The following MACO1 variants were observed in gnomAD, a reference collection of about 807,000 sequenced individuals.
The protein encoded by MACO1 is macoilin 1, also known as macoilin.
In MACO1, 14 loss-of-function variants were observed where a neutral mutation model predicts 78.7. The observed-to-expected ratio is 0.18, with a 90% CI of 0.12 to 0.28. The LOEUF (loss-of-function observed/expected upper bound fraction) is 0.28, where lower values mean the gene tolerates loss of function less well. MACO1 is among the 10% of genes least tolerant of loss of function. MACO1 has a pLI of 1.00. For synonymous variants in MACO1, 288 were observed against 291.6 expected (o/e 0.99, Z 0.12); for missense variants, 501 against 799.0 (o/e 0.63, Z 4.50).
chr1:25,433,709 G>A (rs942309026), intron 1 of MACO1, among the ~76,000 whole-genome samples: 1 of 152,208 alleles, frequency 6.6e-6, no homozygotes, highest in African/African-American at 2.4e-5. Context: ...TCCCAGCTCT[G>A]CTGCTTTAGG....
chr1:25,461,258 A>T (rs2043168791), intron 6 of MACO1, among the ~76,000 whole-genome samples: 1 of 151,920 alleles, frequency 6.6e-6, no homozygotes, highest in African/African-American at 2.4e-5. Flanking sequence ...TACACCTAAT[A>T]CTACATGACG....
chr1:25,468,117 C>G (rs1054101187), intron 6 of MACO1, among the ~76,000 whole-genome samples: 1 of 151,176 alleles, frequency 6.6e-6, no homozygotes, highest in Non-Finnish European at 1.5e-5. Flanking sequence ...TTTTTTTCTA[C>G]TAGAGAGGTG....
At position 25,500,130 on chromosome 1, in the gene MACO1, G is replaced by A. The variant is rs117751940; in HGVS notation, c.*1664G>A. The stretch of plus-strand genomic sequence containing the variant: ...ATTTTGCTGCCTTTTGGGACACTTC[G>A]TTAAATACTGGTCTTGGCTGCATTC... On this transcript the variant is annotated 3_prime_UTR_variant, in exon 11 of 11. Transcript: ENST00000374343. 8 of 151,322 alleles carry A rather than the reference G, an allele frequency of 5.3e-5. No homozygotes were observed. In the East Asian group the frequency reaches 1.2e-3, roughly 22 times the overall value. The allele number at this position is 151,322 out of a possible 1,614,324, so 9.4% of individuals were successfully genotyped here.
Position 25,430,970 on chromosome 1 carries a change from C to G in MACO1, c.-129C>G. ...CCGTGCTACCCCCTCCCCCCGGGTG[C>G]TGGCTCCATGTCTGTGTGACCGGCC... On this transcript the variant is annotated 5_prime_UTR_variant, in exon 1 of 11. Transcript: ENST00000374343. 1 of 287,240 alleles carries G rather than the reference C, an allele frequency of 3.5e-6. No homozygotes were observed. 17.8% of individuals were successfully genotyped at this position (287,240 alleles called of 1,614,324 possible). A position where few individuals can be genotyped will look rare whatever the true frequency, so the allele number is the denominator to read the frequency against.
rs563758488 is a variant in MACO1 at position 25,470,675 on chromosome 1, A to G, written c.1154+11783A>G. Among the ~76,000 whole-genome samples the G allele has an allele frequency of 2.6e-5, 4 of 152,324 alleles. No individual in the cohort carries two copies. In the East Asian group the frequency reaches 7.7e-4, roughly 29 times the overall value. Reference sequence around the variant, plus strand: ...TTAAAGGAACCCAAGATTGTCTGCTAAAGTGGGGTGGGGAGGGGGCAGGTA... The same window carrying G: ...TTAAAGGAACCCAAGATTGTCTGCTGAAGTGGGGTGGGGAGGGGGCAGGTA... On this transcript the variant is annotated intron_variant, in intron 6 of 10. Coordinates refer to ENST00000374343, the MANE Select transcript of MACO1 (RefSeq NM_018202.6).
intron 1 of MACO1, among the ~76,000 whole-genome samples, chr1:25,433,955 G>T (rs1413413992): frequency 6.6e-6 from 1 of 152,154 alleles, no homozygotes; most frequent in African/African-American, 2.4e-5. Flanking sequence ...CAAAACAAAG[G>T]GTCAGTTGCT....
Position 25,479,089 on chromosome 1 carries a change from G to T in MACO1, c.1155-5027G>T, listed in dbSNP as rs115587044. Among the ~76,000 whole-genome samples the T allele has an allele frequency of 5.4e-3, 821 of 152,208 alleles. 10 individuals carry two copies. Among genetic ancestry groups the T allele is most frequent in the African/African-American group, 0.019 (789 of 41,514 alleles). On this transcript the variant is annotated intron_variant, in intron 6 of 10. Coordinates refer to ENST00000374343, the MANE Select transcript of MACO1 (RefSeq NM_018202.6). The stretch of plus-strand genomic sequence containing the variant: ...GTTTTCCTCCATTCTCTCTATCCCT[G>T]TCTGCTGAGATTAGTTTCAAGGCTT...
At chr1:25,467,506 C>G (rs1444136123) in intron 6 of MACO1, among the ~76,000 whole-genome samples, 1 of 152,210 alleles carries the variant, frequency 6.6e-6, no homozygotes, top group Non-Finnish European at 1.5e-5. Context: ...GATCCATAAT[C>G]TGCAGAAATG....
At chr1:25,450,992 A>G (rs1433657558) in intron 3 of MACO1, among the ~76,000 whole-genome samples, 2 of 152,186 alleles carry the variant, frequency 1.3e-5, no homozygotes, top group Non-Finnish European at 2.9e-5. Context: ...TAACCATATA[A>G]CTATTAATAG....
In MACO1 at chr1:25,473,252, CTA is replaced by C. The variant is rs2043290439; in HGVS notation, c.1155-10862_1155-10861del. Among the ~76,000 whole-genome samples the C allele has an allele frequency of 4.6e-5, 7 of 152,158 alleles. No individual in the cohort carries two copies. In the South Asian group the frequency reaches 1.5e-3, roughly 32 times the overall value. ...TTTTAACCATTGCAGGAATTTAAAA[CTA>C]TCGTATTCTGGGATATAAATGTGGT... On this transcript the variant is annotated intron_variant, in intron 6 of 10. Transcript: ENST00000374343.
rs1231945183 is a variant in MACO1, at chr1:25,500,171, G to A, written c.*1705G>A. 1 of 149,560 alleles carries A rather than the reference G, an allele frequency of 6.7e-6. No individual in the cohort carries two copies. The highest frequency in any genetic ancestry group is 1.9e-4 in the East Asian group (1 of 5,144). 9.3% of individuals were successfully genotyped at this position (149,560 alleles called of 1,614,324 possible). A position where few individuals can be genotyped will look rare whatever the true frequency, so the allele number is the denominator to read the frequency against. On this transcript the variant is annotated 3_prime_UTR_variant, in exon 11 of 11. Transcript: ENST00000374343. ...GGCTGCATTCTTTTTTTTTTTTCCTGTGGGGTTCAAAAGAATAAACATTTT... is the reference window on the plus strand; with the variant it reads ...GGCTGCATTCTTTTTTTTTTTTCCTATGGGGTTCAAAAGAATAAACATTTT...
rs1388938243 is a variant in MACO1 at position 25,491,556 on chromosome 1, T to C, written c.1764T>C (p.Asp588=). The change falls in exon 10 of 11, where the codon GAT becomes GAC. Residue 588 remains aspartate, a synonymous_variant. Transcript: ENST00000374343. ...IKLDLFSALG[D]AKRQLEIAQG... is the part of the protein sequence containing the mutation. ...TGGACCTGTTCTCCGCACTGGGCGA[T>C]GCAAAGCGGCAGCTCGAGATTGCCC... 2 of 1,614,118 alleles carry C rather than the reference T, an allele frequency of 1.2e-6. No homozygotes were observed.
intron 1 of MACO1, among the ~76,000 whole-genome samples, chr1:25,443,493 CAGTA>C (rs2042989098): frequency 6.6e-6 from 1 of 152,124 alleles, no homozygotes; most frequent in African/African-American, 2.4e-5. Context: ...AACTGTGACT[CAGTA>C]AGAACTGGGT....
chr1:25,454,490 T>TATA lies in MACO1; in HGVS notation c.473+108_473+109insATA, dbSNP rs1303883838. The TATA allele has an allele frequency of 5.0e-4, 70 of 139,490 alleles. 1 individual carries two copies. The highest frequency in any genetic ancestry group is 2.8e-3 in the African/African-American group (68 of 24,686). 8.6% of individuals were successfully genotyped at this position (139,490 alleles called of 1,614,324 possible). On this transcript the variant is annotated intron_variant, in intron 4 of 10. Transcript: ENST00000374343. Reference sequence around the variant, plus strand: ...TGTGTGTATATATATATATATATATTTTTTTTTTTTTTAGACGGAGTCTTG... The same window carrying TATA: ...TGTGTGTATATATATATATATATATTATATTTTTTTTTTTTAGACGGAGTCTTG...
At chr1:25,454,488 A>ATATATATATATTTT (rs1441909435) in intron 4 of MACO1, 106 bp downstream of exon 4, 8 of 72,382 alleles carry the variant, frequency 1.1e-4, no homozygotes, top group South Asian at 5.0e-4. Context: ...ATATATATAT[A>ATATATATATATTTT]TTTTTTTTTT....
intron 3 of MACO1, among the ~76,000 whole-genome samples, chr1:25,452,044 G>A (rs930176431): frequency 6.6e-6 from 1 of 151,798 alleles, no homozygotes; most frequent in African/African-American, 2.4e-5. Flanking sequence ...AGAGCATCCA[G>A]TGACAACTTC....
At chr1:25,492,693 C>T (rs1205798397) in intron 10 of MACO1, among the ~76,000 whole-genome samples, 1 of 152,094 alleles carries the variant, frequency 6.6e-6, no homozygotes, top group Non-Finnish European at 1.5e-5. Context: ...GGCTTCTGAA[C>T]AGAGGCATGG....
intron 1 of MACO1, among the ~76,000 whole-genome samples, chr1:25,432,071 C>T (rs1034570188): frequency 2.0e-5 from 3 of 152,190 alleles, no homozygotes; most frequent in Non-Finnish European, 4.4e-5. Flanking sequence ...TGGTTCTTCT[C>T]AGAATGTTAC....
chr1:25,484,468 A>G (rs2043410808), intron 7 of MACO1, among the ~76,000 whole-genome samples, 194 bp downstream of exon 7: 1 of 152,246 alleles, frequency 6.6e-6, no homozygotes, highest in Admixed American at 6.5e-5. Flanking sequence ...TTTCATTGCC[A>G]CAAAACAGTT....
Sources: allele counts gnomAD v4.1 joint callset (sites outside exome capture counted in the v4.1 genomes callset), GRCh38; gene constraint gnomAD v4.1.1; transcripts MANE v1.5; gene names NCBI Gene and HGNC (gene_info 2026-07-23, HGNC 2026-07-21).